PANK4: variants seen among roughly 807,000 people sequenced by gnomAD.
PANK4 encodes pantothenate kinase 4 (inactive), also known as 4'-phosphopantetheine phosphatase.
Under a neutral mutation model 87.9 loss-of-function variants are expected in PANK4, and 40 were observed. That is an observed-to-expected ratio of 0.46 (90% CI 0.35 to 0.59). The LOEUF (loss-of-function observed/expected upper bound fraction) is 0.59. Ranked by LOEUF, PANK4 falls within the 20% of genes least tolerant of loss-of-function variation. The probability of loss-of-function intolerance (pLI) is 0.00; values close to 1 mark genes in which losing one functional copy is unlikely to be tolerated. For synonymous variants in PANK4, 524 were observed against 467.4 expected (o/e 1.12, Z -1.56); for missense variants, 926 against 1,072.3 (o/e 0.86, Z 1.90).
intron 10 of PANK4, 99 bp from the exon 11 acceptor site, chr1:2,514,565 C>G: frequency 5.5e-5 from 5 of 91,564 alleles, no homozygotes; most frequent in Non-Finnish European, 7.6e-5. Context: ...GGGGGTCGGC[C>G]GTGGGGGACT....
chr1:2,522,544 C>T (rs1293972612), intron 1 of PANK4, among the ~76,000 whole-genome samples: 1 of 151,926 alleles, frequency 6.6e-6, no homozygotes, highest in Non-Finnish European at 1.5e-5. Context: ...TGAAAAGATT[C>T]TTGAAGAAGG....
In PANK4 at chr1:2,509,109, C is replaced by A; in HGVS notation, c.2109-49G>T. 3 of 1,448,212 alleles carry A rather than the reference C, an allele frequency of 2.1e-6. No individual in the cohort carries two copies. The highest frequency in any genetic ancestry group is 2.8e-6 in the Non-Finnish European group (3 of 1,060,802). The allele number at this position is 1,448,212 out of a possible 1,614,324, so 89.7% of individuals were successfully genotyped here. ...AGACTGGGCAAGCAGACCCCAGACCCCACTTCCCATACAGTGCGGCGACCA... is the reference window on the plus strand; with the variant it reads ...AGACTGGGCAAGCAGACCCCAGACCACACTTCCCATACAGTGCGGCGACCA... On this transcript the variant is annotated intron_variant, in intron 18 of 18. Transcript: ENST00000378466. The surrounding 1 kb of genome is among the most constrained non-coding windows in gnomAD (Gnocchi z 4.9).
intron 1 of PANK4, chr1:2,525,499 C>G (rs1643913143): frequency 6.6e-6 from 1 of 152,192 alleles, no homozygotes; most frequent in Admixed American, 6.5e-5. Flanking sequence ...CCAGGAAGCC[C>G]TCATGCCTGA....
Position 2,509,482 on chromosome 1 carries a change from T to C in PANK4, c.2108+380A>G, listed in dbSNP as rs968602570. Among the ~76,000 whole-genome samples the C allele has an allele frequency of 1.3e-5, 2 of 152,044 alleles. No homozygotes were observed. Among genetic ancestry groups the C allele is most frequent in the Non-Finnish European group, 1.5e-5 (1 of 67,990 alleles). On this transcript the variant is annotated intron_variant, in intron 18 of 18. Coordinates refer to ENST00000378466, the MANE Select transcript of PANK4 (RefSeq NM_018216.4). The surrounding 1 kb of genome is among the most constrained non-coding windows in gnomAD (Gnocchi z 4.9). ...AATCAGGAGGACAGACAGCACCACA[T>C]ACAATTGACTAATGACCTCCAGAAC... is the stretch of plus-strand genomic sequence containing the variant.
At chr1:2,521,629 C>T (rs758081937) in intron 2 of PANK4, 89 bp downstream of exon 2, 1 of 1,037,608 alleles carries the variant, frequency 9.6e-7, no homozygotes, top group Non-Finnish European at 1.5e-6. Flanking sequence ...AGGTCTGCAG[C>T]AGCAGAGGGA....
At chr1:2,516,068 C>CT (rs1643768450) in intron 9 of PANK4, 2 of 357,684 alleles carry the variant, frequency 5.6e-6, no homozygotes, top group African/African-American at 4.2e-5. Context: ...CCATCACCAC[C>CT]TCCCTGCAGT....
At chr1:2,521,526 G>C (rs1256432359) in intron 2 of PANK4, 192 bp downstream of exon 2, 2 of 694,460 alleles carry the variant, frequency 2.9e-6, no homozygotes, top group African/African-American at 3.5e-5. Context: ...GGGGAGCACA[G>C]GCGGGCGCAG....
At chr1:2,525,285 C>T (rs550910932) in intron 1 of PANK4, among the ~76,000 whole-genome samples, 4 of 152,264 alleles carry the variant, frequency 2.6e-5, no homozygotes, top group Non-Finnish European at 4.4e-5. Flanking sequence ...CAGTCAGCGG[C>T]AGGCCCATTC....
chr1:2,521,337 G>A, intron 2 of PANK4, 22 bp from the exon 3 acceptor site: 1 of 1,585,980 alleles, frequency 6.3e-7, no homozygotes, highest in Non-Finnish European at 8.7e-7. Context: ...AGTAGGGGAG[G>A]CCGCATGTGT....
rs548550525 is a variant in PANK4 at position 2,509,582 on chromosome 1, G to A, written c.2108+280C>T. On this transcript the variant is annotated intron_variant, in intron 18 of 18. Coordinates refer to ENST00000378466, the MANE Select transcript of PANK4 (RefSeq NM_018216.4). The surrounding 1 kb of genome is among the most constrained non-coding windows in gnomAD (Gnocchi z 4.9). The stretch of plus-strand genomic sequence containing the variant: ...CGGGCAGCTGCCCAGGTCGCCCTCG[G>A]TCTCAGCTGAGTGGCCACAGGGACA... Among the ~76,000 whole-genome samples, 26 of 152,298 alleles carry A rather than the reference G, an allele frequency of 1.7e-4. No homozygotes were observed. The highest frequency in any genetic ancestry group is 6.2e-4 in the South Asian group (3 of 4,822).
In PANK4 at chr1:2,519,072, A is replaced by C. The variant is rs1412879607; in HGVS notation, c.1035+71T>G. On this transcript the variant is annotated intron_variant, in intron 7 of 18. Transcript: ENST00000378466. This position sits in a 1 kb window ranked among gnomAD's most constrained non-coding sequence, Gnocchi z 8.3. The stretch of plus-strand genomic sequence containing the variant: ...CTCCCTGGGGGTGCTGCGGTGTCTA[A>C]CCAGCATGACTGATTGGGAAGATCC... The C allele has an allele frequency of 5.5e-6, 8 of 1,446,068 alleles. No individual in the cohort carries two copies. The highest frequency in any genetic ancestry group is 3.6e-5 in the Admixed American group (2 of 54,978). 89.6% of individuals were successfully genotyped at this position (1,446,068 alleles called of 1,614,324 possible).
At position 2,510,045 on chromosome 1, in the gene PANK4, G is replaced by C. The variant is rs777778664; in HGVS notation, c.2039+12C>G. ...CATCAAGGCCCCCCCAGCACTGCCC[G>C]CCAACACTCACTGCACGACAGGGTC... is the stretch of plus-strand genomic sequence containing the variant. On this transcript the variant is annotated intron_variant, in intron 17 of 18. Transcript: ENST00000378466. This position sits in a 1 kb window ranked among gnomAD's most constrained non-coding sequence, Gnocchi z 4.9. The C allele has an allele frequency of 1.3e-6, 2 of 1,597,982 alleles. No homozygotes were observed. Among genetic ancestry groups the C allele is most frequent in the South Asian group, 2.2e-5 (2 of 89,546 alleles).
chr1:2,508,831 C>G lies in PANK4; in HGVS notation c.*16G>C. 6.9e-7 allele frequency: 1 copy of G among 1,458,830 alleles called. No homozygotes were observed. Among genetic ancestry groups the G allele is most frequent in the Non-Finnish European group, 9.5e-7 (1 of 1,050,302 alleles). 90.4% of individuals were successfully genotyped at this position (1,458,830 alleles called of 1,614,324 possible). ...CTGACAAGTGACAAGCAGAAGAGTC[C>G]GGCAGCTGCAGCGCCTCACTCGGCT... On this transcript the variant is annotated 3_prime_UTR_variant, in exon 19 of 19. Coordinates refer to ENST00000378466, the MANE Select transcript of PANK4 (RefSeq NM_018216.4). This position sits in a 1 kb window ranked among gnomAD's most constrained non-coding sequence, Gnocchi z 5.1.
chr1:2,517,025 C>T (rs1311697598), intron 9 of PANK4, among the ~76,000 whole-genome samples: 1 of 152,244 alleles, frequency 6.6e-6, no homozygotes, highest in East Asian at 1.9e-4. Flanking sequence ...CCCCGAAGCA[C>T]TGTGGCCGTC....
At chr1:2,518,106 G>T in intron 9 of PANK4, 58 bp downstream of exon 9, 1 of 1,053,046 alleles carries the variant, frequency 9.5e-7, no homozygotes, top group Non-Finnish European at 1.4e-6. Flanking sequence ...GACAGGCGAG[G>T]TGAGTGCGGC....
Position 2,524,533 on chromosome 1 carries a change from C to T in PANK4, c.124+1931G>A, listed in dbSNP as rs74738883. Among the ~76,000 whole-genome samples the T allele has an allele frequency of 6.8e-3, 1,036 of 152,292 alleles. 15 individuals are homozygous for T. The highest frequency in any genetic ancestry group is 0.024 in the African/African-American group (981 of 41,550). On this transcript the variant is annotated intron_variant, in intron 1 of 18. Transcript: ENST00000378466. ...AGGGGAAATAAATACCAGCACTAAA[C>T]AGACCTCTTAGAGTATCCTTCTACC...
chr1:2,525,054 C>A (rs1643908543), intron 1 of PANK4, among the ~76,000 whole-genome samples: 1 of 152,194 alleles, frequency 6.6e-6, no homozygotes, highest in Non-Finnish European at 1.5e-5. Flanking sequence ...CCCATAAGCT[C>A]ACTGAAAGGT....
chr1:2,521,651 C>T (rs1006771435), intron 2 of PANK4, 67 bp downstream of exon 2: 6 of 1,240,542 alleles, frequency 4.8e-6, no homozygotes, highest in Non-Finnish European at 4.8e-6. Flanking sequence ...GACTGCGAGA[C>T]AAGTGCCAGG....
In PANK4 at chr1:2,519,750, C is replaced by T. The variant is rs1276017889; in HGVS notation, c.853+51G>A. The T allele has an allele frequency of 6.7e-7, 1 of 1,499,928 alleles. No homozygotes were observed. Among genetic ancestry groups the T allele is most frequent in the Admixed American group, 2.1e-5 (1 of 47,332 alleles). The allele number at this position is 1,499,928 out of a possible 1,614,324, so 92.9% of individuals were successfully genotyped here. ...GGGGGAAGCTCCTGTCCGTGAGACCCCAAGTGTCCCCACCATCCTGCTCTC... is the reference window on the plus strand; with the variant it reads ...GGGGGAAGCTCCTGTCCGTGAGACCTCAAGTGTCCCCACCATCCTGCTCTC... On this transcript the variant is annotated intron_variant, in intron 6 of 18. Coordinates refer to ENST00000378466, the MANE Select transcript of PANK4 (RefSeq NM_018216.4). The surrounding 1 kb of genome is among the most constrained non-coding windows in gnomAD (Gnocchi z 8.3).
Sources: allele counts gnomAD v4.1 joint callset (sites outside exome capture counted in the v4.1 genomes callset), GRCh38; gene constraint gnomAD v4.1.1; non-coding constraint Gnocchi (gnomAD v3.1); transcripts MANE v1.5; gene names NCBI Gene and HGNC (gene_info 2026-07-23, HGNC 2026-07-21).